PXDNL: variants seen among roughly 807,000 people sequenced by gnomAD.
The protein encoded by PXDNL is probable oxidoreductase PXDNL.
In PXDNL, 145 loss-of-function variants were observed where a neutral mutation model predicts 150.8. The ratio of observed to expected loss-of-function variants is 0.96; its 90% CI spans 0.84 to 1.10. The LOEUF (loss-of-function observed/expected upper bound fraction) is 1.10, where lower values mean the gene tolerates loss of function less well. PXDNL is among the 50% of genes least tolerant of loss of function. The probability of loss-of-function intolerance (pLI) is 0.00; values close to 1 mark genes in which losing one functional copy is unlikely to be tolerated. For synonymous variants in PXDNL, 757 were observed against 725.7 expected (o/e 1.04, Z -0.69); for missense variants, 2,087 against 1,873.9 (o/e 1.11, Z -2.10).
chr8:51,507,967 AT>A (rs1210703767), intron 4 of PXDNL, among the ~76,000 whole-genome samples: 2 of 152,194 alleles, frequency 1.3e-5, no homozygotes, highest in African/African-American at 4.8e-5. Flanking sequence ...TGGAGCCTCA[AT>A]TGAAGGCTGC....
At chr8:51,666,019 C>T (rs1407319270) in intron 1 of PXDNL, among the ~76,000 whole-genome samples, 1 of 152,182 alleles carries the variant, frequency 6.6e-6, no homozygotes, top group Non-Finnish European at 1.5e-5. Context: ...TATTTGGATA[C>T]CAATGATAAC....
At chr8:51,533,694 C>T (rs1811967417) in intron 4 of PXDNL, among the ~76,000 whole-genome samples, 1 of 150,886 alleles carries the variant, frequency 6.6e-6, no homozygotes, top group Admixed American at 6.6e-5. Context: ...GCTGTGTTGG[C>T]CGGGCTGGTC....
chr8:51,435,446 G>T (rs1176155456), intron 12 of PXDNL, among the ~76,000 whole-genome samples: 1 of 152,110 alleles, frequency 6.6e-6, no homozygotes, highest in African/African-American at 2.4e-5. Flanking sequence ...GTCAAGAATG[G>T]AAAGGTATCG....
intron 1 of PXDNL, among the ~76,000 whole-genome samples, chr8:51,764,869 T>G (rs2037210820): frequency 6.6e-6 from 1 of 152,240 alleles, no homozygotes; most frequent in African/African-American, 2.4e-5. Flanking sequence ...GATCTTCTGC[T>G]TAGTTACTCT....
Position 51,571,765 on chromosome 8 carries a change from G to A in PXDNL, c.309-14854C>T, listed in dbSNP as rs192376868. On this transcript the variant is annotated intron_variant, in intron 3 of 22. Transcript: ENST00000356297. ...TGCTCAGAATATTAAGCTTATTTGT[G>A]TAGTTAGAGAATTAATACATGAAAT... 7.9e-5 allele frequency among the ~76,000 whole-genome samples: 12 copies of A among 151,902 alleles called. No individual in the cohort carries two copies. In the East Asian group the frequency reaches 2.1e-3, roughly 27 times the overall value.
At chr8:51,659,976 C>T (rs1004940870) in intron 1 of PXDNL, among the ~76,000 whole-genome samples, 1 of 151,768 alleles carries the variant, frequency 6.6e-6, no homozygotes, top group Non-Finnish European at 1.5e-5. Context: ...CTGCAACCTC[C>T]ACCTCCGAGT....
chr8:51,787,981 G>A (rs1012224839), intron 1 of PXDNL, among the ~76,000 whole-genome samples: 1 of 152,176 alleles, frequency 6.6e-6, no homozygotes, highest in Non-Finnish European at 1.5e-5. Context: ...CAGAAAAAAA[G>A]CTTACAACTT....
intron 19 of PXDNL, among the ~76,000 whole-genome samples, chr8:51,368,957 C>A (rs1463416011): frequency 6.6e-6 from 1 of 151,982 alleles, no homozygotes; most frequent in Non-Finnish European, 1.5e-5. Context: ...GATTGCACCA[C>A]TGCACTCCAG....
At chr8:51,495,333 G>T (rs1386935626) in intron 5 of PXDNL, among the ~76,000 whole-genome samples, 1 of 152,136 alleles carries the variant, frequency 6.6e-6, no homozygotes, top group Non-Finnish European at 1.5e-5. Flanking sequence ...AAGCAAGAAA[G>T]ATCTAAAATT....
At chr8:51,502,807 G>C (rs1811214692) in intron 4 of PXDNL, among the ~76,000 whole-genome samples, 1 of 152,084 alleles carries the variant, frequency 6.6e-6, no homozygotes. Context: ...GTTTGCACAG[G>C]TGTCTGCATT....
chr8:51,735,380 G>C (rs565024965), intron 1 of PXDNL, among the ~76,000 whole-genome samples: 1 of 151,730 alleles, frequency 6.6e-6, no homozygotes, highest in African/African-American at 2.4e-5. Flanking sequence ...AGCTACTCAG[G>C]AGGCTGAGGC....
chr8:51,475,199 A>G (rs1810446212), intron 6 of PXDNL, 58 bp from the exon 7 acceptor site: 3 of 1,488,444 alleles, frequency 2.0e-6, no homozygotes, highest in Non-Finnish European at 2.8e-6. Context: ...TCTATGATGA[A>G]TCTTTTGAGT....
intron 19 of PXDNL, among the ~76,000 whole-genome samples, chr8:51,370,661 A>G (rs1807075252): frequency 6.6e-6 from 1 of 152,236 alleles, no homozygotes; most frequent in South Asian, 2.1e-4. Flanking sequence ...CAATGGCACA[A>G]TCTGGGCTCA....
chr8:51,344,444 C>T (rs1024418232), intron 20 of PXDNL, among the ~76,000 whole-genome samples: 7 of 152,064 alleles, frequency 4.6e-5, no homozygotes, highest in Non-Finnish European at 8.8e-5. Flanking sequence ...ACCTCACTTC[C>T]CTTTGCTCAT....
At chr8:51,392,060 G>A (rs544402116) in intron 17 of PXDNL, among the ~76,000 whole-genome samples, 8 of 152,168 alleles carry the variant, frequency 5.3e-5, no homozygotes, top group African/African-American at 9.6e-5. Context: ...GATATGTGAC[G>A]TTATTTCTAA....
At chr8:51,484,982 A>G (rs1425825020) in intron 5 of PXDNL, among the ~76,000 whole-genome samples, 1 of 152,240 alleles carries the variant, frequency 6.6e-6, no homozygotes, top group East Asian at 1.9e-4. Flanking sequence ...ACTCAAGGAT[A>G]TGAGCATAAA....
chr8:51,403,910 G>C (rs889226199), intron 17 of PXDNL, among the ~76,000 whole-genome samples: 1 of 152,176 alleles, frequency 6.6e-6, no homozygotes, highest in Non-Finnish European at 1.5e-5. Flanking sequence ...GGTGTGTCCG[G>C]AGTTTGTTCC....
At chr8:51,434,348 C>G (rs1265924324) in intron 12 of PXDNL, among the ~76,000 whole-genome samples, 2 of 152,220 alleles carry the variant, frequency 1.3e-5, no homozygotes, top group African/African-American at 2.4e-5. Context: ...GAGGTATCCC[C>G]TGACCTCTCT....
At chr8:51,690,341 C>A (rs904361547) in intron 1 of PXDNL, among the ~76,000 whole-genome samples, 2 of 152,060 alleles carry the variant, frequency 1.3e-5, no homozygotes, top group Non-Finnish European at 2.9e-5. Context: ...CTACAACAGT[C>A]CCCAGAGTGT....
Sources: allele counts gnomAD v4.1 joint callset (sites outside exome capture counted in the v4.1 genomes callset), GRCh38; gene constraint gnomAD v4.1.1; transcripts MANE v1.5; gene names NCBI Gene and HGNC (gene_info 2026-07-23, HGNC 2026-07-21).